LIMS1: variants seen among roughly 807,000 people sequenced by gnomAD.
The protein encoded by LIMS1 is LIM and senescent cell antigen-like-containing domain protein 1.
Under a neutral mutation model 44.1 loss-of-function variants are expected in LIMS1, and 18 were observed. That is an observed-to-expected ratio of 0.41 (90% CI 0.28 to 0.61). LIMS1 has a LOEUF of 0.61. Among genes scored for constraint, LIMS1 ranks in the 20% least tolerant of loss-of-function variants. The probability of loss-of-function intolerance (pLI) is 0.32; values close to 1 mark genes in which losing one functional copy is unlikely to be tolerated. For missense variants in LIMS1, 201 were observed against 422.0 expected (o/e 0.48, Z 4.59); for synonymous variants, 93 against 149.1 (o/e 0.62, Z 2.74).
chr2:108,565,084 A>G (rs1411379784), intron 1 of LIMS1, among the ~76,000 whole-genome samples: 1 of 152,198 alleles, frequency 6.6e-6, no homozygotes. Context: ...CTGCTCCATA[A>G]CTGAGTTGAC....
rs149442182 is a variant in LIMS1 at position 108,623,951 on chromosome 2, C to T, written c.33-35654C>T. ...ATACACATGAAAATAGTTCCGGCGTCAAACTTGAAATTGTTCAAAACCGAA... is the reference window on the plus strand; with the variant it reads ...ATACACATGAAAATAGTTCCGGCGTTAAACTTGAAATTGTTCAAAACCGAA... On this transcript the variant is annotated intron_variant, in intron 1 of 9. Coordinates refer to ENST00000544547, the Ensembl canonical transcript of LIMS1. Among the ~76,000 whole-genome samples, 20 of 152,366 alleles carry T rather than the reference C, an allele frequency of 1.3e-4. No homozygotes were observed. In the East Asian group the frequency reaches 3.9e-3, roughly 29 times the overall value.
At chr2:108,641,206 A>G (rs1231079054) in intron 1 of LIMS1, among the ~76,000 whole-genome samples, 1 of 152,186 alleles carries the variant, frequency 6.6e-6, no homozygotes, top group African/African-American at 2.4e-5. Flanking sequence ...GTTTTCTTCC[A>G]GAAATATTTC....
chr2:108,610,089 G>C (rs920763586), intron 1 of LIMS1, among the ~76,000 whole-genome samples: 1 of 152,048 alleles, frequency 6.6e-6, no homozygotes, highest in Admixed American at 6.5e-5. Flanking sequence ...CTTGCAGTGA[G>C]CCCAGATCGT....
intron 1 of LIMS1, among the ~76,000 whole-genome samples, chr2:108,576,412 T>C (rs1216564082): frequency 1.3e-5 from 2 of 152,136 alleles, no homozygotes; most frequent in Non-Finnish European, 1.5e-5. Context: ...AAGTTGTTTT[T>C]CTTTTTGAGA....
intron 1 of LIMS1, among the ~76,000 whole-genome samples, chr2:108,561,519 G>A (rs1210273339): frequency 6.6e-6 from 1 of 152,060 alleles, no homozygotes; most frequent in Non-Finnish European, 1.5e-5. Context: ...TGTGTGTGTA[G>A]ATGGAGAAAG....
intron 1 of LIMS1, among the ~76,000 whole-genome samples, chr2:108,581,163 C>T (rs1032440361): frequency 1.3e-5 from 2 of 152,140 alleles, no homozygotes; most frequent in African/African-American, 4.8e-5. Flanking sequence ...AATCTCTGAG[C>T]GCACAAAACC....
chr2:108,646,354 A>G (rs541453920), intron 1 of LIMS1, among the ~76,000 whole-genome samples: 2 of 152,328 alleles, frequency 1.3e-5, no homozygotes, highest in South Asian at 4.1e-4. Context: ...CTATGTTGAA[A>G]CTGAACAACC....
At chr2:108,554,398 C>T (rs1247445413) in intron 1 of LIMS1, among the ~76,000 whole-genome samples, 2 of 152,148 alleles carry the variant, frequency 1.3e-5, no homozygotes, top group Admixed American at 1.3e-4. Flanking sequence ...CACCTTCTCC[C>T]CCTGTACTTG....
At chr2:108,599,888 T>C (rs1188796365) in intron 1 of LIMS1, among the ~76,000 whole-genome samples, 2 of 151,904 alleles carry the variant, frequency 1.3e-5, no homozygotes. Flanking sequence ...TATTTGATTT[T>C]TTTACTATAG....
At chr2:108,539,843 C>T (rs900938377) in intron 1 of LIMS1, among the ~76,000 whole-genome samples, 2 of 152,270 alleles carry the variant, frequency 1.3e-5, no homozygotes, top group East Asian at 3.9e-4. Flanking sequence ...GCTAATGGCA[C>T]CTAACATGGT....
At chr2:108,632,853 A>G (rs925799887) in intron 1 of LIMS1, among the ~76,000 whole-genome samples, 1 of 152,158 alleles carries the variant, frequency 6.6e-6, no homozygotes, top group African/African-American at 2.4e-5. Context: ...GTCTGTTTAT[A>G]TAAGCAGTTT....
chr2:108,576,480 G>T (rs1415538454), intron 1 of LIMS1, among the ~76,000 whole-genome samples: 1 of 152,002 alleles, frequency 6.6e-6, no homozygotes, highest in Non-Finnish European at 1.5e-5. Context: ...GGCTCACTGC[G>T]ACCTCTGCCT....
At chr2:108,567,422 AAATG>A (rs1351557096) in intron 1 of LIMS1, among the ~76,000 whole-genome samples, 1 of 152,232 alleles carries the variant, frequency 6.6e-6, no homozygotes, top group Non-Finnish European at 1.5e-5. Context: ...GCAGGGTGGA[AAATG>A]AATGAATAAA....
At chr2:108,544,219 G>A (rs12613554) in intron 1 of LIMS1, among the ~76,000 whole-genome samples, 53,243 of 152,034 alleles carry the variant, frequency 0.35, 11,567 homozygotes, top group East Asian at 0.88. Context: ...ATTGGTCATC[G>A]TAGGGTTCAA....
At chr2:108,585,413 G>A (rs1686060765) in intron 1 of LIMS1, among the ~76,000 whole-genome samples, 1 of 150,530 alleles carries the variant, frequency 6.6e-6, no homozygotes, top group Non-Finnish European at 1.5e-5. Context: ...ATGAAGAATT[G>A]GATTTAGGCA....
At chr2:108,646,760 C>A (rs1690091576) in intron 1 of LIMS1, among the ~76,000 whole-genome samples, 1 of 152,130 alleles carries the variant, frequency 6.6e-6, no homozygotes, top group Admixed American at 6.5e-5. Context: ...GGCTGGAGTG[C>A]AGTGGTGCGA....
intron 2 of LIMS1, among the ~76,000 whole-genome samples, chr2:108,668,091 C>G (rs1296653500): frequency 1.3e-5 from 2 of 152,016 alleles, no homozygotes; most frequent in African/African-American, 4.8e-5. Flanking sequence ...ATAATAATTA[C>G]ACACATGGGG....
At chr2:108,550,390 T>G (rs1489858402) in intron 1 of LIMS1, among the ~76,000 whole-genome samples, 1 of 151,056 alleles carries the variant, frequency 6.6e-6, no homozygotes, top group Admixed American at 6.6e-5. Flanking sequence ...TCCCAGCTAC[T>G]GAGGAGGCTG....
chr2:108,613,132 G>A (rs1687749900), intron 1 of LIMS1, among the ~76,000 whole-genome samples: 1 of 152,174 alleles, frequency 6.6e-6, no homozygotes, highest in Non-Finnish European at 1.5e-5. Flanking sequence ...GCCTCATAGG[G>A]TTGAGATGGA....
Sources: gnomAD v4.1 joint callset for allele counts (sites outside exome capture counted in the v4.1 genomes callset) on GRCh38, gnomAD v4.1.1 for gene constraint, MANE v1.5 for transcripts, NCBI Gene and HGNC (gene_info 2026-07-23, HGNC 2026-07-21) for gene names.